The following SLC15A2 variants were observed in gnomAD, a reference collection of about 807,000 sequenced individuals.
SLC15A2 encodes the protein kidney H(+)/peptide cotransporter.
In SLC15A2, 77 loss-of-function variants were observed where a neutral mutation model predicts 95.5. The observed-to-expected ratio is 0.81, with a 90% confidence interval of 0.67 to 0.97. The LOEUF is 0.97. SLC15A2 is among the 50% of genes least tolerant of loss of function. The pLI is 0.00. For missense variants in SLC15A2, 893 were observed against 874.4 expected, an observed-to-expected ratio of 1.02 and a Z score of -0.27; for synonymous variants, 306 against 306.9, an observed-to-expected ratio of 1.00 and a Z score of 0.03.
chr3:121,927,240 G>A (rs907248112), intron 13 of SLC15A2, among the ~76,000 whole-genome samples: 2 of 152,186 alleles, frequency 1.3e-5, no homozygotes, highest in Non-Finnish European at 2.9e-5. Context: ...TTTTTGGGGG[G>A]CTAGAGATGG....
Position 121,939,402 on chromosome 3 carries a change from A to T in SLC15A2, c.1815A>T (p.Lys605Asn), listed in dbSNP as rs747850715. The T allele has an allele frequency of 3.2e-6, 5 of 1,581,848 alleles. No homozygotes were observed. The Admixed American group carries it at 9.1e-5, about 29-fold the overall frequency. Residue 605 changes from lysine to asparagine, a missense_variant, in exon 20 of 22, where the codon AAA becomes AAT. By Grantham distance (94) the Lys-to-Asn change is moderately conservative. Coordinates refer to ENST00000489711, the MANE Select transcript of SLC15A2 (RefSeq NM_021082.4). The part of the protein sequence containing the change: ...AWKIEDIPAN[K>N]MSIAWQLPQY... ...AGATTGAAGACATTCCAGCCAACAAAATGTCCATTGCGTGGCAGCTACCAC... is the reference window on the plus strand; with the variant it reads ...AGATTGAAGACATTCCAGCCAACAATATGTCCATTGCGTGGCAGCTACCAC...
intron 3 of SLC15A2, among the ~76,000 whole-genome samples, chr3:121,906,529 C>T (rs972055543): frequency 8.5e-5 from 13 of 152,204 alleles, no homozygotes. Context: ...GCGCTTCCTT[C>T]AGGAGCTCTT....
Position 121,924,248 on chromosome 3 carries a change from C to T in SLC15A2, c.1003-103C>T, listed in dbSNP as rs1466991252. ...ACCAAAGACCTGATGAATTTTCTCTCATATGTTTCTCACTTGCTAACTAGC... is the reference window on the plus strand; with the variant it reads ...ACCAAAGACCTGATGAATTTTCTCTTATATGTTTCTCACTTGCTAACTAGC... On this transcript the variant is annotated intron_variant, in intron 11 of 21. Coordinates refer to ENST00000489711, the MANE Select transcript of SLC15A2 (RefSeq NM_021082.4). The T allele has an allele frequency of 5.4e-6, 5 of 925,298 alleles. No homozygotes were observed. In the African/African-American group the frequency reaches 6.6e-5, roughly 12 times the overall value. 57.3% of individuals were successfully genotyped at this position (925,298 alleles called of 1,614,324 possible).
At chr3:121,899,788 G>T (rs1709489307) in intron 3 of SLC15A2, among the ~76,000 whole-genome samples, 1 of 152,046 alleles carries the variant, frequency 6.6e-6, no homozygotes, top group Non-Finnish European at 1.5e-5. Flanking sequence ...AGATCATATT[G>T]TAGTACAATA....
At chr3:121,920,691 T>C (rs1407431059) in intron 7 of SLC15A2, among the ~76,000 whole-genome samples, 1 of 152,202 alleles carries the variant, frequency 6.6e-6, no homozygotes, top group Non-Finnish European at 1.5e-5. Context: ...GTATTATAGA[T>C]AAAGGATGCT....
chr3:121,940,863 G>A lies in SLC15A2; in HGVS notation c.2046G>A (p.Leu682=), dbSNP rs764566647. The stretch of plus-strand genomic sequence containing the variant: ...AATTCATTTTGTTTTCCTGCCTCCT[G>A]CTGGTGATCTGCCTGATCTTCTCCA... ...WAEFILFSCL[L]LVICLIFSIM... The change falls in exon 22 of 22, where the codon CTG becomes CTA. Residue 682 remains leucine (L), a synonymous_variant. Transcript: ENST00000489711. 1 of 1,613,094 alleles carries A rather than the reference G, an allele frequency of 6.2e-7. No homozygotes were observed. Among genetic ancestry groups the A allele is most frequent in the Non-Finnish European group, 8.5e-7 (1 of 1,179,754 alleles).
At chr3:121,930,250 A>G (rs1710205552) in intron 17 of SLC15A2, among the ~76,000 whole-genome samples, 1 of 152,130 alleles carries the variant, frequency 6.6e-6, no homozygotes, top group South Asian at 2.1e-4. Flanking sequence ...CCATCCTGAG[A>G]GGACAATCTA....
chr3:121,915,028 T>C (rs1709857454), intron 5 of SLC15A2, 199 bp from the exon 6 acceptor site: 14 of 1,360,532 alleles, frequency 1.0e-5, no homozygotes, highest in Non-Finnish European at 1.3e-5. Flanking sequence ...AAAGCTGCTC[T>C]GGAGTTTGAA....
intron 1 of SLC15A2, among the ~76,000 whole-genome samples, chr3:121,895,661 A>T (rs1352242700): frequency 1.3e-5 from 2 of 152,220 alleles, no homozygotes; most frequent in Non-Finnish European, 2.9e-5. Context: ...TAGTTGGTCT[A>T]TTGTAATAGA....
chr3:121,907,688 G>A (rs997465689), intron 3 of SLC15A2, among the ~76,000 whole-genome samples: 2 of 152,240 alleles, frequency 1.3e-5, no homozygotes, highest in African/African-American at 4.8e-5. Flanking sequence ...AGTGGAGGCT[G>A]CAGAACAGCA....
In SLC15A2 at chr3:121,940,618, T is replaced by C. The variant is rs559417433; in HGVS notation, c.2013+130T>C. ...GCTGTGACATGAAATGGGTTAGATA[T>C]ACAGACTTTACCAGGAAAATAGACA... On this transcript the variant is annotated intron_variant, in intron 21 of 21. Transcript: ENST00000489711. The C allele has an allele frequency of 9.3e-6, 8 of 861,216 alleles. No individual in the cohort carries two copies. In the African/African-American group the frequency reaches 1.3e-4, roughly 14 times the overall value. 53.3% of individuals were successfully genotyped at this position (861,216 alleles called of 1,614,324 possible).
intron 4 of SLC15A2, among the ~76,000 whole-genome samples, chr3:121,912,638 A>G (rs182886126): frequency 1.1e-3 from 164 of 152,278 alleles, no homozygotes; most frequent in Non-Finnish European, 2.0e-3. Context: ...AAATTTTGGT[A>G]AGAATATGTG....
At chr3:121,910,168 A>G (rs1051101863) in intron 3 of SLC15A2, among the ~76,000 whole-genome samples, 1 of 148,836 alleles carries the variant, frequency 6.7e-6, no homozygotes, top group Non-Finnish European at 1.5e-5. Context: ...CCTGATGTTA[A>G]TTAGTCCTAG....
At chr3:121,920,603 T>C (rs1709986561) in intron 7 of SLC15A2, among the ~76,000 whole-genome samples, 1 of 152,198 alleles carries the variant, frequency 6.6e-6, no homozygotes, top group South Asian at 2.1e-4. Context: ...GCCGTCTAGG[T>C]ACTTTTTTAT....
At chr3:121,937,460 G>C (rs1276838554) in intron 19 of SLC15A2, among the ~76,000 whole-genome samples, 1 of 139,434 alleles carries the variant, frequency 7.2e-6, no homozygotes. Flanking sequence ...GGCTTTGCTC[G>C]TTTCTTTTTA....
chr3:121,938,776 A>G (rs1710402766), intron 19 of SLC15A2, among the ~76,000 whole-genome samples: 1 of 152,200 alleles, frequency 6.6e-6, no homozygotes, highest in African/African-American at 2.4e-5. Context: ...CTATTCGGCC[A>G]TCTTGGCTCC....
chr3:121,912,964 A>T, intron 4 of SLC15A2, 57 bp from the exon 5 acceptor site: 1 of 1,240,480 alleles, frequency 8.1e-7, no homozygotes, highest in South Asian at 1.2e-5. Flanking sequence ...TCTGTAGTCC[A>T]TCTCTACAGG....
intron 7 of SLC15A2, among the ~76,000 whole-genome samples, chr3:121,916,722 A>G (rs1709901145): frequency 6.6e-6 from 1 of 152,212 alleles, no homozygotes; most frequent in Non-Finnish European, 1.5e-5. Context: ...TGAAATGTTA[A>G]ACAAGTGCTA....
intron 19 of SLC15A2, among the ~76,000 whole-genome samples, chr3:121,932,734 A>C (rs1710256468): frequency 6.6e-6 from 1 of 152,196 alleles, no homozygotes; most frequent in African/African-American, 2.4e-5. Context: ...TAATTAATTT[A>C]ATTAACTTGA....
Sources: gnomAD v4.1 joint callset for allele counts (sites outside exome capture counted in the v4.1 genomes callset) on GRCh38, gnomAD v4.1.1 for gene constraint, MANE v1.5 for transcripts, NCBI Gene and HGNC (gene_info 2026-07-23, HGNC 2026-07-21) for gene names.